Variants in GRAMD1C observed in about 807,000 individuals in gnomAD.
The protein encoded by GRAMD1C is protein Aster-C.
GRAMD1C carries 89 observed loss-of-function variants against 97.8 expected under a neutral mutation model. That is an observed-to-expected ratio of 0.91 (90% confidence interval 0.77 to 1.09). GRAMD1C has a LOEUF of 1.09. Ranked by LOEUF, GRAMD1C falls within the 50% of genes least tolerant of loss-of-function variation. The pLI, the probability that GRAMD1C is intolerant of heterozygous loss-of-function variation, is 0.00. For synonymous variants in GRAMD1C, 256 were observed against 267.0 expected (o/e 0.96, Z 0.40); for missense variants, 740 against 766.4 (o/e 0.97, Z 0.41).
At chr3:113,882,964 C>A in intron 6 of GRAMD1C, 132 bp downstream of exon 6, 1 of 495,268 alleles carries the variant, frequency 2.0e-6, no homozygotes, top group South Asian at 4.1e-5. Flanking sequence ...AAACTTCAAT[C>A]AAAGCAAGAT....
chr3:113,856,627 C>T (rs1264104818), intron 2 of GRAMD1C, among the ~76,000 whole-genome samples: 4 of 152,154 alleles, frequency 2.6e-5, no homozygotes, highest in African/African-American at 4.8e-5. Context: ...GCAGCCTCCA[C>T]CTCCTGAGTT....
chr3:113,844,457 G>T (rs758402170), intron 1 of GRAMD1C, 46 bp from the exon 2 acceptor site: 3 of 1,328,540 alleles, frequency 2.3e-6, no homozygotes, highest in East Asian at 2.3e-5. Flanking sequence ...TTTTAAAATG[G>T]CCATTTCTCA....
chr3:113,888,412 T>C (rs1035116896), intron 6 of GRAMD1C, among the ~76,000 whole-genome samples: 3 of 152,160 alleles, frequency 2.0e-5, no homozygotes, highest in African/African-American at 7.2e-5. Context: ...GGAGATCAAA[T>C]GTGCACCATG....
intron 3 of GRAMD1C, among the ~76,000 whole-genome samples, chr3:113,875,282 G>A (rs1934980838): frequency 6.6e-6 from 1 of 151,952 alleles, no homozygotes; most frequent in Non-Finnish European, 1.5e-5. Flanking sequence ...CTTACATTGT[G>A]TTCCATGAAG....
chr3:113,846,385 C>T (rs954848120), intron 2 of GRAMD1C, among the ~76,000 whole-genome samples: 1 of 152,168 alleles, frequency 6.6e-6, no homozygotes, highest in East Asian at 1.9e-4. Context: ...GGATTACAGG[C>T]ATGAGCCACT....
At chr3:113,928,130 A>G (rs1229084847) in intron 10 of GRAMD1C, among the ~76,000 whole-genome samples, 1 of 152,076 alleles carries the variant, frequency 6.6e-6, no homozygotes, top group African/African-American at 2.4e-5. Context: ...CTCTGTGCTG[A>G]TCCCAGAGGG....
intron 6 of GRAMD1C, among the ~76,000 whole-genome samples, chr3:113,890,211 G>A (rs1279855049): frequency 6.6e-6 from 1 of 152,110 alleles, no homozygotes; most frequent in African/African-American, 2.4e-5. Context: ...TGGGTGAGGG[G>A]GCTTGCCAAG....
chr3:113,899,391 G>A (rs975826373), intron 6 of GRAMD1C, among the ~76,000 whole-genome samples: 6 of 152,038 alleles, frequency 3.9e-5, no homozygotes, highest in Non-Finnish European at 8.8e-5. Context: ...GACTGTACCA[G>A]TACTTTAGTG....
At chr3:113,836,258 TG>T (rs550284816), upstream of GRAMD1C, among the ~76,000 whole-genome samples, 83 of 152,264 alleles carry the variant, frequency 5.5e-4, no homozygotes, top group African/African-American at 2.0e-3. Flanking sequence ...AACGAGACTC[TG>T]TCTCAAAAAA....
intron 8 of GRAMD1C, among the ~76,000 whole-genome samples, chr3:113,907,658 T>G (rs1417139267): frequency 6.6e-6 from 1 of 152,214 alleles, no homozygotes; most frequent in Non-Finnish European, 1.5e-5. Context: ...CAAGAAAATA[T>G]GTTTTTTAAG....
chr3:113,875,747 T>C, intron 4 of GRAMD1C, 160 bp downstream of exon 4: 1 of 470,814 alleles, frequency 2.1e-6, no homozygotes. Context: ...TATATATAAG[T>C]GTATAATATA....
At chr3:113,925,561 G>T (rs957901599) in intron 10 of GRAMD1C, among the ~76,000 whole-genome samples, 3 of 152,164 alleles carry the variant, frequency 2.0e-5, no homozygotes, top group African/African-American at 7.2e-5. Context: ...TTTAATTGGG[G>T]CATTAAGCCC....
chr3:113,913,106 T>C (rs1343339628), intron 9 of GRAMD1C: 3 of 1,285,050 alleles, frequency 2.3e-6, no homozygotes, highest in Non-Finnish European at 3.0e-6. Flanking sequence ...CATACGCTGT[T>C]TACCTGAATT....
chr3:113,862,072 A>T (rs1042130134), intron 2 of GRAMD1C, among the ~76,000 whole-genome samples: 1 of 152,182 alleles, frequency 6.6e-6, no homozygotes, highest in Non-Finnish European at 1.5e-5. Context: ...TCACAAGGCA[A>T]ATGGAGGCAG....
intron 6 of GRAMD1C, among the ~76,000 whole-genome samples, chr3:113,883,466 G>A (rs937371374): frequency 1.3e-5 from 2 of 151,652 alleles, no homozygotes; most frequent in South Asian, 2.1e-4. Flanking sequence ...TCGAGGCTGC[G>A]GTGAGCCATT....
At chr3:113,924,123 A>G (rs1937156211) in intron 10 of GRAMD1C, among the ~76,000 whole-genome samples, 3 of 138,834 alleles carry the variant, frequency 2.2e-5, no homozygotes, top group South Asian at 4.7e-4. Flanking sequence ...GGTCGGTGGT[A>G]ATGTTCCTTT....
intron 17 of GRAMD1C, 150 bp downstream of exon 17, chr3:113,940,495 G>A: frequency 1.8e-6 from 1 of 566,264 alleles, no homozygotes. Flanking sequence ...TAGTATGCAA[G>A]GGTATTACAT....
At chr3:113,935,494 A>G (rs570471761) in intron 13 of GRAMD1C, among the ~76,000 whole-genome samples, 2 of 151,398 alleles carry the variant, frequency 1.3e-5, no homozygotes, top group Admixed American at 1.3e-4. Flanking sequence ...AGAAATATAT[A>G]TATATATACA....
chr3:113,913,079 G>C, intron 9 of GRAMD1C: 1 of 1,265,688 alleles, frequency 7.9e-7, no homozygotes, highest in South Asian at 1.2e-5. Context: ...TTAGTATGCA[G>C]CTGGGCATGG....
Sources: allele counts gnomAD v4.1 joint callset (sites outside exome capture counted in the v4.1 genomes callset), GRCh38; gene constraint gnomAD v4.1.1; transcripts MANE v1.5; gene names NCBI Gene and HGNC (gene_info 2026-07-23, HGNC 2026-07-21).